DCDC2: variants seen among roughly 807,000 people sequenced by gnomAD.
DCDC2 encodes doublecortin domain-containing protein 2.
Under a neutral mutation model 50.2 loss-of-function variants are expected in DCDC2, and 40 were observed. The ratio of observed to expected loss-of-function variants is 0.80; its 90% CI spans 0.62 to 1.04. DCDC2 has a LOEUF of 1.04. Ranked by LOEUF, DCDC2 falls within the 50% of genes least tolerant of loss-of-function variation. The pLI is 0.00. For missense variants in DCDC2, 570 were observed against 581.9 expected (o/e 0.98, Z 0.21); for synonymous variants, 234 against 210.6 (o/e 1.11, Z -0.96).
At chr6:24,330,751 G>A (rs1289122628) in intron 2 of DCDC2, among the ~76,000 whole-genome samples, 1 of 152,088 alleles carries the variant, frequency 6.6e-6, no homozygotes, top group Non-Finnish European at 1.5e-5. Context: ...GATCCACAGG[G>A]AATGATGTTT....
At chr6:24,252,970 G>C (rs965217348) in intron 7 of DCDC2, among the ~76,000 whole-genome samples, 1 of 151,898 alleles carries the variant, frequency 6.6e-6, no homozygotes, top group Non-Finnish European at 1.5e-5. Context: ...AAATGACATG[G>C]GAAATTTCAA....
chr6:24,376,679 AC>A, the DCDC2 span, among the ~76,000 whole-genome samples: 2 of 141,798 alleles, frequency 1.4e-5, no homozygotes, highest in African/African-American at 5.4e-5. Context: ...TGCCCATTTT[AC>A]CTCCAGTATG....
chr6:24,323,956 C>T (rs1163613909), intron 2 of DCDC2, among the ~76,000 whole-genome samples: 8 of 152,164 alleles, frequency 5.3e-5, no homozygotes, highest in Non-Finnish European at 1.5e-5. Context: ...GTACAGTTAG[C>T]CCCTGAAATC....
intron 6 of DCDC2, among the ~76,000 whole-genome samples, chr6:24,282,730 G>A (rs930017918): frequency 3.7e-5 from 5 of 134,114 alleles, no homozygotes; most frequent in African/African-American, 5.4e-5. Context: ...CAGCCTTCAC[G>A]ATGTATTTCA....
intron 7 of DCDC2, among the ~76,000 whole-genome samples, chr6:24,243,322 G>GT (rs1265979373): frequency 6.6e-6 from 1 of 152,176 alleles, no homozygotes; most frequent in Non-Finnish European, 1.5e-5. Flanking sequence ...CCAAAGTCAG[G>GT]CTGGACATGA....
rs200752902 is a variant in DCDC2 at position 24,269,294 on chromosome 6, A to G, written c.922+8755T>C. On this transcript the variant is annotated intron_variant, in intron 7 of 9. Coordinates refer to ENST00000378454, the MANE Select transcript of DCDC2 (RefSeq NM_016356.5). ...TTAGTAGTGTGCTGGTACTTTCTAT[A>G]AGGACAAAATTAATACAGAGGTCTA... 5.3e-5 allele frequency among the ~76,000 whole-genome samples: 8 copies of G among 152,346 alleles called. 1 individual carries two copies. In the South Asian group the frequency reaches 1.0e-3, roughly 20 times the overall value.
chr6:24,243,691 T>C (rs1321179773), intron 7 of DCDC2, among the ~76,000 whole-genome samples: 1 of 152,144 alleles, frequency 6.6e-6, no homozygotes, highest in Non-Finnish European at 1.5e-5. Context: ...TTGAATTAAA[T>C]TGTCCCTGGC....
At chr6:24,178,133 T>C (rs1303939043) in intron 9 of DCDC2, among the ~76,000 whole-genome samples, 197 bp downstream of exon 9, 2 of 152,202 alleles carry the variant, frequency 1.3e-5, no homozygotes, top group Non-Finnish European at 2.9e-5. Flanking sequence ...AGACACAAAC[T>C]GTCAGGTCAA....
At chr6:24,349,059 A>G (rs914196875) in intron 2 of DCDC2, among the ~76,000 whole-genome samples, 3 of 152,214 alleles carry the variant, frequency 2.0e-5, no homozygotes, top group African/African-American at 7.2e-5. Context: ...GGTTATGGAA[A>G]AAAAAGAATG....
intron 4 of DCDC2, among the ~76,000 whole-genome samples, chr6:24,300,333 G>A (rs998152515): frequency 6.6e-6 from 1 of 152,078 alleles, no homozygotes; most frequent in Non-Finnish European, 1.5e-5. Context: ...AGTGAGCTGA[G>A]ATCACACCAT....
chr6:24,186,885 T>C (rs531105948), intron 8 of DCDC2, among the ~76,000 whole-genome samples: 2 of 152,208 alleles, frequency 1.3e-5, no homozygotes, highest in South Asian at 4.2e-4. Context: ...TAAGTTAAAA[T>C]TAGGTCATGA....
intron 7 of DCDC2, among the ~76,000 whole-genome samples, chr6:24,266,775 T>A (rs190432368): frequency 1.0e-3 from 157 of 152,274 alleles, no homozygotes; most frequent in Non-Finnish European, 2.0e-3. Context: ...AAAATAGAAC[T>A]ACCATATGAT....
intron 2 of DCDC2, among the ~76,000 whole-genome samples, chr6:24,305,800 G>GGC (rs922407292): frequency 2.6e-5 from 4 of 152,058 alleles, no homozygotes; most frequent in African/African-American, 9.7e-5. Flanking sequence ...GCCAAGGGGG[G>GGC]GTGGATCACC....
intron 6 of DCDC2, among the ~76,000 whole-genome samples, chr6:24,283,305 C>T (rs1763517627): frequency 1.3e-5 from 2 of 151,858 alleles, no homozygotes; most frequent in Non-Finnish European, 2.9e-5. Context: ...CTGTGACTCC[C>T]GCAGCACTGA....
intron 7 of DCDC2, 39 bp from the exon 8 acceptor site, chr6:24,205,141 TGTGACATC>T (rs1460560657): frequency 6.2e-7 from 1 of 1,614,044 alleles, no homozygotes; most frequent in Non-Finnish European, 8.5e-7. Flanking sequence ...AAAATCCAAT[TGTGACATC>T]GTGTGGCTGA....
chr6:24,245,838 T>C (rs1367261973), intron 7 of DCDC2, among the ~76,000 whole-genome samples: 2 of 151,714 alleles, frequency 1.3e-5, no homozygotes, highest in Non-Finnish European at 2.9e-5. Flanking sequence ...ACTGGCAAAT[T>C]TGAAAAAGGG....
upstream of DCDC2, among the ~76,000 whole-genome samples, chr6:24,358,754 T>TATA (rs1561788150): frequency 3.2e-5 from 3 of 92,440 alleles, no homozygotes; most frequent in East Asian, 5.1e-4. Flanking sequence ...TATTTATTTA[T>TATA]TTATATATTA....
chr6:24,305,865 C>T (rs754123716), intron 2 of DCDC2, among the ~76,000 whole-genome samples: 14 of 151,988 alleles, frequency 9.2e-5, no homozygotes, highest in Non-Finnish European at 1.8e-4. Flanking sequence ...CCCATCTCTA[C>T]TAAAAATACA....
At chr6:24,241,820 AAT>A (rs555763495) in intron 7 of DCDC2, among the ~76,000 whole-genome samples, 119 of 152,356 alleles carry the variant, frequency 7.8e-4, no homozygotes, top group African/African-American at 1.2e-4. Flanking sequence ...ATATGAATAG[AAT>A]ATATGAGTGT....
Sources: gnomAD v4.1 joint callset for allele counts (sites outside exome capture counted in the v4.1 genomes callset) on GRCh38, gnomAD v4.1.1 for gene constraint, MANE v1.5 for transcripts, NCBI Gene and HGNC (gene_info 2026-07-23, HGNC 2026-07-21) for gene names.